The following ZNF620 variants were observed in gnomAD, a reference collection of about 807,000 sequenced individuals.
The protein encoded by ZNF620 is zinc finger protein 620.
A neutral mutation model predicts 13.3 loss-of-function variants in ZNF620; 10 were observed. The observed-to-expected ratio is 0.75, with a 90% confidence interval of 0.46 to 1.28. The LOEUF (loss-of-function observed/expected upper bound fraction) is 1.28. ZNF620 is among the 50% of genes most tolerant of loss of function. ZNF620 has a pLI of 0.00. For synonymous variants in ZNF620, 166 were observed against 177.6 expected (o/e 0.93, Z 0.52); for missense variants, 461 against 500.2 (o/e 0.92, Z 0.75).
rs1198222285 is a variant in ZNF620 at position 40,516,891 on chromosome 3, C to T, written c.*28C>T. On this transcript the variant is annotated 3_prime_UTR_variant, in exon 5 of 5. Transcript: ENST00000314529. ...CTATCCATAGTTAGGCCCACTGTGC[C>T]TCTCCTTTTTTCTCTTTATTTTCAT... 11 of 1,544,306 alleles carry T rather than the reference C, an allele frequency of 7.1e-6. No homozygotes were observed. The highest frequency in any genetic ancestry group is 9.6e-6 in the Non-Finnish European group (11 of 1,146,186).
chr3:40,506,268 A>G, intron 1 of ZNF620, 36 bp from the exon 2 acceptor site: 1 of 1,569,420 alleles, frequency 6.4e-7, no homozygotes, highest in South Asian at 1.1e-5. Context: ...GCGAGGCAGC[A>G]TCAATCTCAC....
At chr3:40,507,777 C>CTCTGTA (rs1331847364) in intron 2 of ZNF620, among the ~76,000 whole-genome samples, 2 of 152,038 alleles carry the variant, frequency 1.3e-5, no homozygotes, top group Admixed American at 1.3e-4. Flanking sequence ...ACAGGGGCTA[C>CTCTGTA]TCTGGTTATC....
rs149375136 is a variant in ZNF620 at position 40,516,661 on chromosome 3, G to A, written c.1067G>A (p.Arg356Gln). 104 of 1,613,770 alleles carry A rather than the reference G, an allele frequency of 6.4e-5. No homozygotes were observed. Among genetic ancestry groups the A allele is most frequent in the Non-Finnish European group, 8.4e-5 (99 of 1,179,802 alleles). Reference protein sequence around the residue: ...SSNTALTQHQRIHTGEKPFEC... With the variant: ...SSNTALTQHQQIHTGEKPFEC... ...AACACAGCCTTGACTCAGCATCAGC[G>A]AATTCACACTGGGGAGAAGCCCTTT... Residue 356 changes from arginine to glutamine, a missense_variant, in exon 5 of 5, where the codon CGA becomes CAA. Arg to Gln is a conservative substitution (Grantham distance 43). Transcript: ENST00000314529.
Position 40,516,691 on chromosome 3 carries a change from G to GT in ZNF620, c.1098dup (p.Lys367Ter), listed in dbSNP as rs1698400535. On this transcript the variant is annotated frameshift_variant, in exon 5 of 5. Transcript: ENST00000314529. LOFTEE classifies it low-confidence loss of function (END_TRUNC). Reference sequence around the variant, plus strand: ...CACACTGGGGAGAAGCCCTTTGAATGTAAGGAGTGTGGGAAGGCATTCAAT... The same window carrying GT: ...CACACTGGGGAGAAGCCCTTTGAATGTTAAGGAGTGTGGGAAGGCATTCAAT... The GT allele has an allele frequency of 1.2e-6, 2 of 1,614,204 alleles. No homozygotes were observed. Among genetic ancestry groups the GT allele is most frequent in the Admixed American group, 1.7e-5 (1 of 60,030 alleles).
rs1340226125 is a variant in ZNF620, at chr3:40,516,089, G to C, written c.495G>C (p.Lys165Asn). ...SARHHEAYEV[K>N]NGEKFEKLGK... ...GGCACCATGAGGCCTATGAGGTCAA[G>C]AATGGAGAGAAGTTTGAGAAATTAG... Residue 165 changes from lysine to asparagine, a missense_variant, in exon 5 of 5, where the codon AAG becomes AAC. Lys to Asn is a moderately conservative substitution (Grantham distance 94). Coordinates refer to ENST00000314529, the MANE Select transcript of ZNF620 (RefSeq NM_175888.4). 6.2e-7 allele frequency: 1 copy of C among 1,614,096 alleles called. No homozygotes were observed. Among genetic ancestry groups the C allele is most frequent in the South Asian group, 1.1e-5 (1 of 91,086 alleles).
At chr3:40,508,542 A>C (rs964609884) in intron 2 of ZNF620, 2 of 255,662 alleles carry the variant, frequency 7.8e-6, no homozygotes, top group African/African-American at 2.3e-5. Flanking sequence ...GACTTGAATC[A>C]TTTTGATTTT....
chr3:40,514,566 C>G (rs57577384), intron 4 of ZNF620, among the ~76,000 whole-genome samples: 3,598 of 152,182 alleles, frequency 0.024, 129 homozygotes, highest in African/African-American at 0.081. Flanking sequence ...GGACCCTACA[C>G]CAGCCTGAGT....
At position 40,511,498 on chromosome 3, in the gene ZNF620, T is replaced by C; in HGVS notation, c.53T>C (p.Val18Ala). The change falls in exon 3 of 5, where the codon GTG (valine) becomes GCG (alanine). Residue 18 changes from valine to alanine, a missense_variant. By Grantham distance (64) the Val-to-Ala change is moderately conservative (BLOSUM62 0). Coordinates refer to ENST00000314529, the MANE Select transcript of ZNF620 (RefSeq NM_175888.4). ...QEPVTFEDVA[V>A]YFTQNEWASL... ...CCAGTGACCTTTGAGGATGTGGCTG[T>C]GTACTTCACCCAGAATGAATGGGCC... The C allele has an allele frequency of 6.2e-7, 1 of 1,613,726 alleles. No individual in the cohort carries two copies. The highest frequency in any genetic ancestry group is 8.5e-7 in the Non-Finnish European group (1 of 1,179,748).
intron 4 of ZNF620, among the ~76,000 whole-genome samples, chr3:40,515,180 T>C (rs1698335858): frequency 6.6e-6 from 1 of 152,232 alleles, no homozygotes; most frequent in Non-Finnish European, 1.5e-5. Context: ...TCTTTGGGAC[T>C]TACATTCACT....
At chr3:40,513,067 C>A (rs1331688986) in intron 4 of ZNF620, among the ~76,000 whole-genome samples, 1 of 151,868 alleles carries the variant, frequency 6.6e-6, no homozygotes, top group African/African-American at 2.4e-5. Flanking sequence ...TCCTTTGATT[C>A]TTATTTCATC....
chr3:40,517,022 T>C lies in ZNF620; in HGVS notation c.*159T>C, dbSNP rs1358285054. The stretch of plus-strand genomic sequence containing the variant: ...CTGTTTCCCCAACATGAAGTCTCTT[T>C]ATGGTTAGAGAAGACCAAAAAACAA... On this transcript the variant is annotated 3_prime_UTR_variant, in exon 5 of 5. Coordinates refer to ENST00000314529, the MANE Select transcript of ZNF620 (RefSeq NM_175888.4). 19 of 742,502 alleles carry C rather than the reference T, an allele frequency of 2.6e-5. No individual in the cohort carries two copies. Among genetic ancestry groups the C allele is most frequent in the Non-Finnish European group, 3.7e-5 (18 of 481,686 alleles). 46.0% of individuals were successfully genotyped at this position (742,502 alleles called of 1,614,324 possible). A position where few individuals can be genotyped will look rare whatever the true frequency, so the allele number is the denominator to read the frequency against.
At chr3:40,515,089 C>T (rs1034808012) in intron 4 of ZNF620, among the ~76,000 whole-genome samples, 1 of 152,164 alleles carries the variant, frequency 6.6e-6, no homozygotes. Context: ...TTTAGTAGTT[C>T]ACTTTTCAAA....
intron 2 of ZNF620, 105 bp from the exon 3 acceptor site, chr3:40,511,365 A>T: frequency 2.0e-6 from 3 of 1,474,962 alleles, no homozygotes; most frequent in Non-Finnish European, 2.7e-6. Context: ...GGAGTGCTGG[A>T]TAACTGTCCT....
At chr3:40,513,316 A>AAAATATATATATAT (rs1193351404) in intron 4 of ZNF620, among the ~76,000 whole-genome samples, 6 of 62,668 alleles carry the variant, frequency 9.6e-5, no homozygotes, top group African/African-American at 1.7e-4. Context: ...AAAAAAAAAA[A>AAAATATATATATAT]ATATATATAT....
At chr3:40,506,904 G>A (rs1698039868) in intron 2 of ZNF620, among the ~76,000 whole-genome samples, 1 of 152,094 alleles carries the variant, frequency 6.6e-6, no homozygotes, top group African/African-American at 2.4e-5. Flanking sequence ...TAAAGTGAAA[G>A]CATTCAATCT....
Position 40,511,603 on chromosome 3 carries a change from C to T in ZNF620, c.151+7C>T, listed in dbSNP as rs749580732. 7 of 1,611,824 alleles carry T rather than the reference C, an allele frequency of 4.3e-6. No homozygotes were observed. The South Asian group carries it at 7.7e-5, about 18-fold the overall frequency. On this transcript the variant is annotated splice_region_variant and intron_variant, in intron 3 of 4. Coordinates refer to ENST00000314529, the MANE Select transcript of ZNF620 (RefSeq NM_175888.4). Reference sequence around the variant, plus strand: ...GCAAATGTGGCTTCCCTGGGTAAGACATTTCTTCTTGTTTTTGGCCTCTGC... The same window carrying T: ...GCAAATGTGGCTTCCCTGGGTAAGATATTTCTTCTTGTTTTTGGCCTCTGC...
At chr3:40,513,324 T>A (rs1356467030) in intron 4 of ZNF620, among the ~76,000 whole-genome samples, 1,155 of 40,920 alleles carry the variant, frequency 0.028, 79 homozygotes, top group African/African-American at 0.11. Context: ...AAAATATATA[T>A]ATATATATAT....
intron 4 of ZNF620, among the ~76,000 whole-genome samples, chr3:40,512,858 G>A (rs1397626275): frequency 6.6e-6 from 1 of 152,200 alleles, no homozygotes; most frequent in East Asian, 1.9e-4. Flanking sequence ...TTTTTGCAAA[G>A]ATGAGGATGT....
In ZNF620 at chr3:40,516,502, C is replaced by A; in HGVS notation, c.908C>A (p.Thr303Asn). Residue 303 changes from threonine (T) to asparagine (N), a missense_variant, in exon 5 of 5, where the codon ACT becomes AAT. By Grantham distance (65) the Thr-to-Asn change is moderately conservative. Transcript: ENST00000314529. ...SVFLQHQRFH[T>N]GEKLYECNEC... ...TTCCTCCAGCACCAGAGGTTCCACACTGGGGAGAAGCTCTATGAATGTAAC... is the reference window on the plus strand; with the variant it reads ...TTCCTCCAGCACCAGAGGTTCCACAATGGGGAGAAGCTCTATGAATGTAAC... The A allele has an allele frequency of 6.2e-7, 1 of 1,614,174 alleles. No homozygotes were observed. Among genetic ancestry groups the A allele is most frequent in the Non-Finnish European group, 8.5e-7 (1 of 1,180,010 alleles).
Sources: allele counts gnomAD v4.1 joint callset (sites outside exome capture counted in the v4.1 genomes callset), GRCh38; gene constraint gnomAD v4.1.1; transcripts MANE v1.5; gene names NCBI Gene and HGNC (gene_info 2026-07-23, HGNC 2026-07-21).